MAX: variants seen among roughly 807,000 people sequenced by gnomAD.
The protein encoded by MAX is MYC associated transcriptional regulator X, also known as protein max.
MAX carries 3 observed loss-of-function variants against 22.3 expected under a neutral mutation model. The ratio of observed to expected loss-of-function variants is 0.13; its 90% CI spans 0.06 to 0.35. The LOEUF (loss-of-function observed/expected upper bound fraction) is 0.35. MAX is among the 10% of genes least tolerant of loss of function. The pLI is 1.00. For missense variants in MAX, 119 were observed against 209.4 expected, an observed-to-expected ratio of 0.57 and a Z score of 2.66; for synonymous variants, 72 against 77.7, an observed-to-expected ratio of 0.93 and a Z score of 0.39.
chr14:65,100,160 T>C (rs1460617417), intron 2 of MAX, among the ~76,000 whole-genome samples: 1 of 152,118 alleles, frequency 6.6e-6, no homozygotes, highest in Non-Finnish European at 1.5e-5. Flanking sequence ...TCTTAAAAAA[T>C]AGGAAGATCG....
At position 65,078,552 on chromosome 14, in the gene MAX, C is replaced by T. The variant is rs1235606183; in HGVS notation, c.172-516G>A. Reference sequence around the variant, plus strand: ...GTTGTTGTTTTTTTTTTTTTGGAGACGTAGTCTCGCTCTGTTGCCCAGGCT... The same window carrying T: ...GTTGTTGTTTTTTTTTTTTTGGAGATGTAGTCTCGCTCTGTTGCCCAGGCT... On this transcript the variant is annotated intron_variant, in intron 3 of 4. Coordinates refer to ENST00000358664, the MANE Select transcript of MAX (RefSeq NM_002382.5). This position sits in a 1 kb window ranked among gnomAD's most constrained non-coding sequence, Gnocchi z 6.4. Among the ~76,000 whole-genome samples the T allele has an allele frequency of 1.4e-5, 2 of 144,260 alleles. No individual in the cohort carries two copies. The highest frequency in any genetic ancestry group is 2.2e-4 in the South Asian group (1 of 4,482). The allele number at this position is 144,260 out of a possible 152,430, so 94.6% of individuals were successfully genotyped here. A position where few individuals can be genotyped will look rare whatever the true frequency, so the allele number is the denominator to read the frequency against.
At chr14:65,037,870 C>G (rs1292170534) in intron 3 of MAX, among the ~76,000 whole-genome samples, 7 of 151,150 alleles carry the variant, frequency 4.6e-5, no homozygotes, top group Non-Finnish European at 8.8e-5. Context: ...ACCTCTTTCT[C>G]CCAGGTTCAA....
At chr14:65,043,828 CAAAAAAAAAAAAAAAAAAA>C (rs749243788) in intron 3 of MAX, among the ~76,000 whole-genome samples, 1 of 64,234 alleles carries the variant, frequency 1.6e-5, no homozygotes, top group South Asian at 8.0e-4. Flanking sequence ...GACTCCGTCT[CAAAAAAAAAAAAAAAAAAA>C]AAAAAAAAAA....
rs974825265 is a variant in MAX, at chr14:65,007,034, C to T, written c.172-750G>A. ...TAGTTTCAGGAATTTCACAATTACCCGTTTTTATCATTGTTGCCTATGAAA... is the reference window on the plus strand; with the variant it reads ...TAGTTTCAGGAATTTCACAATTACCTGTTTTTATCATTGTTGCCTATGAAA... On this transcript the variant is annotated intron_variant, in intron 3 of 3. Coordinates refer to the MAX transcript ENST00000341653. The surrounding 1 kb of genome is among the most constrained non-coding windows in gnomAD (Gnocchi z 4.9). Among the ~76,000 whole-genome samples the T allele has an allele frequency of 4.2e-4, 64 of 152,168 alleles. No individual in the cohort carries two copies. The highest frequency in any genetic ancestry group is 8.8e-4 in the Non-Finnish European group (60 of 68,018).
In MAX at chr14:65,031,491, TGTTTTTA is replaced by T. The variant is rs1194955352; in HGVS notation, c.172-25214_172-25208del. 6.6e-6 allele frequency among the ~76,000 whole-genome samples: 1 copy of T among 151,864 alleles called. No individual in the cohort carries two copies. Among genetic ancestry groups the T allele is most frequent in the African/African-American group, 2.4e-5 (1 of 41,378 alleles). ...CGCCACCATGCCCAGCTAATTTTTG[TGTTTTTA>T]GTGGAGACGGGGTTTCGCAATATTG... On this transcript the variant is annotated intron_variant, in intron 3 of 3. Transcript: ENST00000341653. This position sits in a 1 kb window ranked among gnomAD's most constrained non-coding sequence, Gnocchi z 4.6.
chr14:65,051,303 T>A (rs2062602742), intron 3 of MAX, among the ~76,000 whole-genome samples: 1 of 152,244 alleles, frequency 6.6e-6, no homozygotes, highest in African/African-American at 2.4e-5. Flanking sequence ...ATTCTTATTG[T>A]CTGTTTGAAA....
intron 3 of MAX, among the ~76,000 whole-genome samples, chr14:65,019,090 TTGA>T (rs2061837269): frequency 5.3e-5 from 8 of 152,174 alleles, no homozygotes; most frequent in Admixed American, 4.6e-4. Context: ...GGAGACTCGC[TTGA>T]ACCCGGGAGG....
intron 3 of MAX, among the ~76,000 whole-genome samples, chr14:65,037,741 ATTATTTAT>A (rs201126999): frequency 0.051 from 6,745 of 131,538 alleles, 331 homozygotes; most frequent in African/African-American, 0.11. Context: ...TTATTTATTT[ATTATTTAT>A]TTATTTATTT....
At chr14:65,041,041 C>A in intron 3 of MAX, 1 of 1,447,608 alleles carries the variant, frequency 6.9e-7, no homozygotes, top group East Asian at 2.4e-5. Flanking sequence ...AGCTCTGTTC[C>A]AACACAGAGG....
At chr14:65,059,209 G>C (rs1261373313) in intron 3 of MAX, among the ~76,000 whole-genome samples, 1 of 152,082 alleles carries the variant, frequency 6.6e-6, no homozygotes, top group African/African-American at 2.4e-5. Context: ...TTTTTGTAGA[G>C]ACAGGGTTTT....
intron 2 of MAX, chr14:65,094,097 C>G (rs1343628051): frequency 1.6e-5 from 7 of 425,512 alleles, no homozygotes; most frequent in Non-Finnish European, 2.7e-5. Flanking sequence ...AAGTGTGACT[C>G]TCCTGTAACA....
At chr14:65,055,329 T>G (rs1384008048) in intron 3 of MAX, among the ~76,000 whole-genome samples, 1 of 152,096 alleles carries the variant, frequency 6.6e-6, no homozygotes, top group Non-Finnish European at 1.5e-5. Flanking sequence ...ATGGAGACTG[T>G]CCCCAGTGAT....
In MAX at chr14:65,061,068, ATC is replaced by A. The variant is rs1030371839; in HGVS notation, c.171+32638_171+32639del. 170 of 1,510,830 alleles carry A rather than the reference ATC, an allele frequency of 1.1e-4. No individual in the cohort carries two copies. In the African/African-American group the frequency reaches 1.4e-3, roughly 13 times the overall value. 93.6% of individuals were successfully genotyped at this position (1,510,830 alleles called of 1,614,324 possible). A position where few individuals can be genotyped will look rare whatever the true frequency, so the allele number is the denominator to read the frequency against. On this transcript the variant is annotated intron_variant, in intron 3 of 3. Transcript: ENST00000341653. The stretch of plus-strand genomic sequence containing the variant: ...TTTTGAACCTTTGGGCTTTGTGTGT[ATC>A]TCTGATTCCTTATACTAAATTCTTA...
chr14:65,067,690 A>T (rs758313827), intron 3 of MAX, among the ~76,000 whole-genome samples: 3 of 150,710 alleles, frequency 2.0e-5, no homozygotes, highest in Non-Finnish European at 2.9e-5. Context: ...ACAGTGGATC[A>T]TGGCTCACTG....
At chr14:65,080,846 T>G (rs896036803) in intron 3 of MAX, among the ~76,000 whole-genome samples, 20 of 152,256 alleles carry the variant, frequency 1.3e-4, no homozygotes, top group African/African-American at 4.8e-4. Context: ...TAACTTTTAA[T>G]GAATGACCAG....
At chr14:65,094,599 G>C (rs528478589) in intron 2 of MAX, among the ~76,000 whole-genome samples, 41 of 152,244 alleles carry the variant, frequency 2.7e-4, no homozygotes, top group Non-Finnish European at 4.1e-4. Flanking sequence ...CTAACTGGCA[G>C]TATCTAAATA....
intron 3 of MAX, among the ~76,000 whole-genome samples, chr14:65,055,047 G>A (rs1001033949): frequency 3.3e-5 from 5 of 152,342 alleles, no homozygotes; most frequent in African/African-American, 9.6e-5. Context: ...GCAGCCATGC[G>A]GCACTGGCTG....
In MAX at chr14:65,026,840, C is replaced by T. The variant is rs539238605; in HGVS notation, c.172-20556G>A. Among the ~76,000 whole-genome samples the T allele has an allele frequency of 2.4e-3, 357 of 151,116 alleles. 2 individuals carry two copies. Among genetic ancestry groups the T allele is most frequent in the Admixed American group, 3.7e-3 (56 of 15,156 alleles). On this transcript the variant is annotated intron_variant, in intron 3 of 3. Transcript: ENST00000341653. Reference sequence around the variant, plus strand: ...TCACACCACTGCACTGCAGCCTGGGCGACCGAGGGCAACCCCGCCTCAAAA... The same window carrying T: ...TCACACCACTGCACTGCAGCCTGGGTGACCGAGGGCAACCCCGCCTCAAAA...
At chr14:65,036,172 C>T (rs138852871) in intron 3 of MAX, among the ~76,000 whole-genome samples, 3 of 152,018 alleles carry the variant, frequency 2.0e-5, no homozygotes, top group Non-Finnish European at 4.4e-5. Flanking sequence ...CAAGTTATTC[C>T]ACTGCTCTGT....
Sources: gnomAD v4.1 joint callset for allele counts (sites outside exome capture counted in the v4.1 genomes callset) on GRCh38, gnomAD v4.1.1 for gene constraint, Gnocchi (gnomAD v3.1) non-coding constraint, MANE v1.5 for transcripts, NCBI Gene and HGNC (gene_info 2026-07-23, HGNC 2026-07-21) for gene names.